The following ZNF385C variants were observed in gnomAD, a reference collection of about 807,000 sequenced individuals.
ZNF385C encodes the protein CTD-2132N18.2.
In ZNF385C, 28 loss-of-function variants were observed where a neutral mutation model predicts 35.4. The ratio of observed to expected loss-of-function variants is 0.79; its 90% CI spans 0.59 to 1.08. ZNF385C has a LOEUF of 1.08. ZNF385C is among the 50% of genes least tolerant of loss of function. ZNF385C has a pLI of 0.00. For synonymous variants in ZNF385C, 248 were observed against 248.2 expected (o/e 1.00, Z 0.01); for missense variants, 605 against 595.6 (o/e 1.02, Z -0.16).
At chr17:42,037,608 C>T in intron 3 of ZNF385C, 129 bp downstream of exon 3, 1 of 1,185,286 alleles carries the variant, frequency 8.4e-7, no homozygotes, top group Non-Finnish European at 1.1e-6. Flanking sequence ...GCACCTATCC[C>T]CTCTGGGGGA....
At chr17:42,043,259 G>A (rs781955807) in intron 2 of ZNF385C, 10 of 1,232,262 alleles carry the variant, frequency 8.1e-6, no homozygotes, top group Admixed American at 4.2e-5. Flanking sequence ...ATCAGCTTCC[G>A]CTCATAGTCA....
chr17:42,048,665 T>G (rs1362941286), intron 2 of ZNF385C, among the ~76,000 whole-genome samples: 1 of 152,174 alleles, frequency 6.6e-6, no homozygotes, highest in Non-Finnish European at 1.5e-5. Flanking sequence ...CCCTGTTCTC[T>G]TCTACATCCA....
chr17:42,056,980 A>G (rs1262659229), intron 2 of ZNF385C, among the ~76,000 whole-genome samples: 1 of 152,120 alleles, frequency 6.6e-6, no homozygotes, highest in Admixed American at 6.5e-5. Context: ...TAAAAATAAA[A>G]AAAAATTTAG....
At chr17:42,041,299 A>T (rs2053015393) in intron 2 of ZNF385C, 2 of 959,734 alleles carry the variant, frequency 2.1e-6, no homozygotes, top group African/African-American at 1.7e-5. Context: ...GAGGTTAGAC[A>T]GACTTAGGGA....
chr17:42,082,358 G>A (rs1235098048), intron 1 of ZNF385C, among the ~76,000 whole-genome samples: 3 of 152,222 alleles, frequency 2.0e-5, no homozygotes, highest in Non-Finnish European at 4.4e-5. Flanking sequence ...GATTCTGATG[G>A]AATACCAACC....
At chr17:42,072,229 G>C (rs2053635174) in intron 1 of ZNF385C, among the ~76,000 whole-genome samples, 1 of 152,194 alleles carries the variant, frequency 6.6e-6, no homozygotes, top group East Asian at 1.9e-4. Flanking sequence ...TTATCTGGTC[G>C]CGCCCCCTAT....
chr17:42,064,535 CCGGTGG>C (rs1367126773), intron 1 of ZNF385C, among the ~76,000 whole-genome samples: 69 of 152,152 alleles, frequency 4.5e-4, no homozygotes, highest in Non-Finnish European at 9.0e-4. Context: ...TGAGGTCATA[CCGGTGG>C]GCCCTAATTC....
At chr17:42,063,967 G>C (rs374746823) in intron 1 of ZNF385C, among the ~76,000 whole-genome samples, 1 of 152,060 alleles carries the variant, frequency 6.6e-6, no homozygotes. Context: ...AACCGAGGCC[G>C]AGGCAACAGT....
chr17:42,078,061 C>T (rs2053703708), intron 1 of ZNF385C, among the ~76,000 whole-genome samples: 1 of 152,230 alleles, frequency 6.6e-6, no homozygotes, highest in Admixed American at 6.5e-5. Flanking sequence ...TTGTCCTTCA[C>T]AGTGACCGGG....
chr17:42,039,822 G>T, intron 2 of ZNF385C: 1 of 1,231,166 alleles, frequency 8.1e-7, no homozygotes, highest in Non-Finnish European at 1.0e-6. Context: ...TCACCATGTG[G>T]CCCCCCCGGC....
intron 2 of ZNF385C, chr17:42,043,425 C>T (rs1313408033): frequency 4.9e-6 from 6 of 1,226,218 alleles, no homozygotes; most frequent in Middle Eastern, 3.1e-4. Context: ...AATGCTCTTG[C>T]CCCCCTGCCT....
rs570177626 is a variant in ZNF385C, at chr17:42,026,840, G to C, written c.*57C>G. 6.7e-7 allele frequency: 1 copy of C among 1,489,322 alleles called. No homozygotes were observed. The highest frequency in any genetic ancestry group is 1.2e-5 in the South Asian group (1 of 82,884). The allele number at this position is 1,489,322 out of a possible 1,614,324, so 92.3% of individuals were successfully genotyped here. The stretch of plus-strand genomic sequence containing the variant: ...CATGTAGGAAACCAAGGTGTCTCAG[G>C]ACAGGAGGAGACAAGGAGTGGCTAT... On this transcript the variant is annotated 3_prime_UTR_variant, in exon 9 of 9. Transcript: ENST00000692273.
intron 1 of ZNF385C, among the ~76,000 whole-genome samples, chr17:42,087,066 G>A (rs535743700): frequency 4.6e-5 from 7 of 152,034 alleles, no homozygotes; most frequent in African/African-American, 1.4e-4. Flanking sequence ...CAGGTGATCC[G>A]CCCACCTCAG....
At chr17:42,090,895 C>T (rs2053859090) in intron 1 of ZNF385C, among the ~76,000 whole-genome samples, 1 of 151,902 alleles carries the variant, frequency 6.6e-6, no homozygotes, top group Non-Finnish European at 1.5e-5. Flanking sequence ...AAAAAGAGAA[C>T]CTATCTTGTT....
At chr17:42,048,501 T>C (rs547214029) in intron 2 of ZNF385C, among the ~76,000 whole-genome samples, 1 of 152,078 alleles carries the variant, frequency 6.6e-6, no homozygotes, top group Non-Finnish European at 1.5e-5. Flanking sequence ...TGTGATCACA[T>C]CACTGTACTC....
Position 42,029,085 on chromosome 17 carries a change from A to G in ZNF385C, c.677-12T>C, listed in dbSNP as rs561732247. The G allele has an allele frequency of 1.2e-5, 18 of 1,546,264 alleles. No homozygotes were observed. The African/African-American group carries it at 2.5e-4, about 21-fold the overall frequency. ...AGGGGCTGCAGGAACTGCTGCAGAG[A>G]TGGAAGAGTGTGAGACCCAAGATGA... On this transcript the variant is annotated splice_polypyrimidine_tract_variant and intron_variant, in intron 5 of 8. Coordinates refer to ENST00000692273, the MANE Select transcript of ZNF385C (RefSeq NM_001392013.1).
chr17:42,035,793 A>T (rs1175856293), intron 3 of ZNF385C, among the ~76,000 whole-genome samples: 1 of 151,574 alleles, frequency 6.6e-6, no homozygotes, highest in South Asian at 2.1e-4. Context: ...CCTCAAAATG[A>T]TCCGCCTGCC....
intron 2 of ZNF385C, among the ~76,000 whole-genome samples, chr17:42,043,735 G>A (rs1203583651): frequency 6.6e-6 from 1 of 152,128 alleles, no homozygotes; most frequent in East Asian, 1.9e-4. Context: ...GGGCCCTAGA[G>A]CATTATCCAA....
chr17:42,040,473 T>C, intron 2 of ZNF385C: 2 of 1,232,232 alleles, frequency 1.6e-6, no homozygotes, highest in African/African-American at 1.5e-5. Flanking sequence ...CCGGCTCTTC[T>C]GCCTGCAGGA....
Sources: allele counts gnomAD v4.1 joint callset (sites outside exome capture counted in the v4.1 genomes callset), GRCh38; gene constraint gnomAD v4.1.1; transcripts MANE v1.5; gene names NCBI Gene and HGNC (gene_info 2026-07-23, HGNC 2026-07-21).